The following RGS22 variants were observed in gnomAD, a reference collection of about 807,000 sequenced individuals.
RGS22 encodes the protein regulator of G protein signaling 22.
RGS22 carries 148 observed loss-of-function variants against 172.9 expected under a neutral mutation model. The observed-to-expected ratio is 0.86, with a 90% CI of 0.75 to 0.98. The LOEUF is 0.98. RGS22 is among the 50% of genes least tolerant of loss of function. The pLI, the probability that RGS22 is intolerant of heterozygous loss-of-function variation, is 0.00. For missense variants in RGS22, 1,347 were observed against 1,440.8 expected, an observed-to-expected ratio of 0.93 and a Z score of 1.05; for synonymous variants, 458 against 480.2, an observed-to-expected ratio of 0.95 and a Z score of 0.60.
At chr8:100,105,446 T>C (rs1228971844) in intron 1 of RGS22, 44 bp from the exon 2 acceptor site, 2 of 1,521,410 alleles carry the variant, frequency 1.3e-6, no homozygotes, top group South Asian at 2.3e-5. Flanking sequence ...CAAATCTGAT[T>C]TCCTTTGAGT....
intron 20 of RGS22, among the ~76,000 whole-genome samples, chr8:99,990,455 C>T (rs1018203238): frequency 1.3e-5 from 2 of 152,002 alleles, no homozygotes; most frequent in African/African-American, 2.4e-5. Flanking sequence ...TTTTCCTGGC[C>T]GTGGGATGGA....
At chr8:100,057,142 T>G (rs1411912541) in intron 9 of RGS22, among the ~76,000 whole-genome samples, 1 of 152,216 alleles carries the variant, frequency 6.6e-6, no homozygotes, top group African/African-American at 2.4e-5. Flanking sequence ...CTGCTGGATT[T>G]TGGACTTGCA....
At position 100,027,417 on chromosome 8, in the gene RGS22, T is replaced by C. The variant is rs545104711; in HGVS notation, c.2166+11514A>G. Among the ~76,000 whole-genome samples the C allele has an allele frequency of 3.9e-5, 6 of 152,318 alleles. No individual in the cohort carries two copies. The East Asian group carries it at 7.7e-4, about 20-fold the overall frequency. ...TTCTCAGTGAATGTTCATTAATAAG[T>C]AACTGAATATTATAAAGGAGATTCT... On this transcript the variant is annotated intron_variant, in intron 14 of 27. Transcript: ENST00000360863.
chr8:99,974,946 G>A (rs1361812989), intron 23 of RGS22, among the ~76,000 whole-genome samples: 2 of 152,048 alleles, frequency 1.3e-5, no homozygotes, highest in Non-Finnish European at 2.9e-5. Flanking sequence ...TCAAGAGTTT[G>A]AGATACCTGG....
chr8:100,017,549 GTCTT>G (rs1398678986), intron 14 of RGS22, among the ~76,000 whole-genome samples: 3 of 152,068 alleles, frequency 2.0e-5, no homozygotes, highest in Non-Finnish European at 4.4e-5. Flanking sequence ...ATCTGAAGAT[GTCTT>G]TCTAATAATC....
At chr8:99,961,391 TG>T (rs1428258343) in intron 27 of RGS22, among the ~76,000 whole-genome samples, 195 bp from the exon 28 acceptor site, 1 of 152,210 alleles carries the variant, frequency 6.6e-6, no homozygotes, top group Non-Finnish European at 1.5e-5. Flanking sequence ...AACTGAAGCA[TG>T]GGGGTGGTTA....
Position 100,006,088 on chromosome 8 carries a change from G to C in RGS22, c.2383C>G (p.Arg795Gly). The C allele has an allele frequency of 6.2e-7, 1 of 1,612,512 alleles. No homozygotes were observed. Among genetic ancestry groups the C allele is most frequent in the Non-Finnish European group, 8.5e-7 (1 of 1,179,152 alleles). Reference sequence around the variant, plus strand: ...CTGAAGTATGTGGAGTCTAACTGTCGAGTTTCTTCCACCAGCTCCACCTAA... The same window carrying C: ...CTGAAGTATGTGGAGTCTAACTGTCCAGTTTCTTCCACCAGCTCCACCTAA... ...YKKVELVEET[R>G]QLDSTYFRKL... The change falls in exon 16 of 28, where the codon CGA (arginine) becomes GGA (glycine). Residue 795 changes from arginine (R) to glycine (G), a missense_variant. Coordinates refer to ENST00000360863, the MANE Select transcript of RGS22 (RefSeq NM_015668.5).
chr8:99,997,994 C>A (rs1463210004), intron 19 of RGS22, among the ~76,000 whole-genome samples: 1 of 152,132 alleles, frequency 6.6e-6, no homozygotes, highest in Non-Finnish European at 1.5e-5. Context: ...CATTGTTCTG[C>A]ATCCTGCTTG....
chr8:100,039,764 G>A (rs1291683087), intron 13 of RGS22, among the ~76,000 whole-genome samples, 198 bp downstream of exon 13: 1 of 151,628 alleles, frequency 6.6e-6, no homozygotes, highest in Non-Finnish European at 1.5e-5. Context: ...ACTATTCAAT[G>A]TAATTTGTAA....
chr8:100,026,909 C>T (rs1462327301), intron 14 of RGS22, among the ~76,000 whole-genome samples: 1 of 152,086 alleles, frequency 6.6e-6, no homozygotes, highest in Non-Finnish European at 1.5e-5. Flanking sequence ...GCCAGTAAAG[C>T]GAGAAATTAT....
In RGS22 at chr8:100,063,913, A is replaced by C. The variant is rs1369564039; in HGVS notation, c.855T>G (p.Thr285=). Residue 285 remains threonine, a synonymous_variant, in exon 8 of 28, where the codon ACT becomes ACG. Coordinates refer to ENST00000360863, the MANE Select transcript of RGS22 (RefSeq NM_015668.5). ...ATACTCTCAGAAGAGCTTGAGAAGG[A>C]GTGTCTTGTAGAGATACAGACACCT... ...EEEVSVSLQD[T]PSQALLRVYL... The C allele has an allele frequency of 6.2e-7, 1 of 1,603,190 alleles. No homozygotes were observed. The highest frequency in any genetic ancestry group is 8.5e-7 in the Non-Finnish European group (1 of 1,174,618).
chr8:99,987,385 T>G (rs766041658), intron 21 of RGS22, 73 bp downstream of exon 21: 102 of 1,160,194 alleles, frequency 8.8e-5, no homozygotes, highest in Non-Finnish European at 1.2e-4. Context: ...TGCATAAAGT[T>G]AGTTAAAAAT....
chr8:100,051,481 ATT>A (rs1453972284), intron 10 of RGS22, among the ~76,000 whole-genome samples: 40 of 95,904 alleles, frequency 4.2e-4, no homozygotes, highest in Non-Finnish European at 6.9e-4. Context: ...TATTATATAT[ATT>A]TATATATAAT....
intron 23 of RGS22, among the ~76,000 whole-genome samples, chr8:99,970,466 C>T (rs949592682): frequency 2.0e-5 from 3 of 151,650 alleles, no homozygotes; most frequent in Admixed American, 2.0e-4. Context: ...AAAAGATTAA[C>T]AAAATGGAAC....
rs1468080863 is a variant in RGS22 at position 100,003,947 on chromosome 8, A to C, written c.2606T>G (p.Phe869Cys). ...NKLEFEHFRQFLETHSSSMDL... is the reference protein window; with the variant it reads ...NKLEFEHFRQCLETHSSSMDL... Reference sequence around the variant, plus strand: ...TCACCTTGAAGAATGAGTCTCAAGAAACTGACGGAAATGTTCAAACTCCAG... The same window carrying C: ...TCACCTTGAAGAATGAGTCTCAAGACACTGACGGAAATGTTCAAACTCCAG... The change falls in exon 17 of 28, where the codon TTT (phenylalanine) becomes TGT (cysteine). Residue 869 changes from phenylalanine (F) to cysteine (C), a missense_variant. Transcript: ENST00000360863. 1.2e-6 allele frequency: 2 copies of C among 1,607,312 alleles called. No individual in the cohort carries two copies. Among genetic ancestry groups the C allele is most frequent in the Non-Finnish European group, 8.5e-7 (1 of 1,176,400 alleles).
At chr8:100,027,856 T>C (rs1563635536) in intron 14 of RGS22, among the ~76,000 whole-genome samples, 1 of 152,200 alleles carries the variant, frequency 6.6e-6, no homozygotes, top group Non-Finnish European at 1.5e-5. Context: ...ATTCCCATTT[T>C]CCTTCCTCAT....
chr8:100,081,800 G>A (rs774080969), intron 3 of RGS22, among the ~76,000 whole-genome samples: 24 of 152,122 alleles, frequency 1.6e-4, no homozygotes, highest in Non-Finnish European at 2.6e-4. Flanking sequence ...AAATATTAAT[G>A]GGAGTAGGAG....
At position 100,041,816 on chromosome 8, in the gene RGS22, T is replaced by C; in HGVS notation, c.1924A>G (p.Thr642Ala). The part of the protein sequence containing the change: ...KPQLDRRYAY[T>A]EEPRVKTVSD... ...AAAACACTCACCCTAGGTTCTTCTGTATAAGCGTATCTTCTATCCAGCTGG... is the reference window on the plus strand; with the variant it reads ...AAAACACTCACCCTAGGTTCTTCTGCATAAGCGTATCTTCTATCCAGCTGG... Residue 642 changes from threonine to alanine, a missense_variant, in exon 12 of 28, where the codon ACA (threonine) becomes GCA (alanine). Coordinates refer to ENST00000360863, the MANE Select transcript of RGS22 (RefSeq NM_015668.5). 1 of 1,603,330 alleles carries C rather than the reference T, an allele frequency of 6.2e-7. No individual in the cohort carries two copies. Among genetic ancestry groups the C allele is most frequent in the African/African-American group, 1.3e-5 (1 of 74,828 alleles).
At chr8:99,979,221 C>G (rs1368956675) in intron 22 of RGS22, among the ~76,000 whole-genome samples, 1 of 152,088 alleles carries the variant, frequency 6.6e-6, no homozygotes, top group Admixed American at 6.6e-5. Flanking sequence ...AATACTCCTC[C>G]TCCTCTATTA....
Sources: allele counts gnomAD v4.1 joint callset (sites outside exome capture counted in the v4.1 genomes callset), GRCh38; gene constraint gnomAD v4.1.1; transcripts MANE v1.5; gene names NCBI Gene and HGNC (gene_info 2026-07-23, HGNC 2026-07-21).